DNAH12: variants seen among roughly 807,000 people sequenced by gnomAD.
The protein encoded by DNAH12 is axonemal beta dynein heavy chain 12.
A neutral mutation model predicts 371.5 loss-of-function variants in DNAH12; 285 were observed. The ratio of observed to expected loss-of-function variants is 0.77; its 90% CI spans 0.70 to 0.85. The LOEUF is 0.85. Ranked by LOEUF, DNAH12 falls within the 40% of genes least tolerant of loss-of-function variation. The pLI, the probability that DNAH12 is intolerant of heterozygous loss-of-function variation, is 0.00. For missense variants in DNAH12, 3,611 were observed against 3,689.4 expected, an observed-to-expected ratio of 0.98 and a Z score of 0.55; for synonymous variants, 1,200 against 1,213.0, an observed-to-expected ratio of 0.99 and a Z score of 0.22.
At chr3:57,351,393 T>G (rs1307710573) in intron 60 of DNAH12, among the ~76,000 whole-genome samples, 2 of 152,150 alleles carry the variant, frequency 1.3e-5, no homozygotes, top group African/African-American at 4.8e-5. Context: ...TGGAAAACAA[T>G]TTGTAATTTT....
chr3:57,427,099 C>T (rs1048752122), intron 34 of DNAH12, among the ~76,000 whole-genome samples: 2 of 133,902 alleles, frequency 1.5e-5, no homozygotes, highest in African/African-American at 6.2e-5. Context: ...TCTCTTTCCC[C>T]TCTGTATATC....
intron 62 of DNAH12, among the ~76,000 whole-genome samples, chr3:57,329,998 C>G (rs1221561584): frequency 2.6e-5 from 4 of 151,630 alleles, no homozygotes; most frequent in African/African-American, 9.7e-5. Flanking sequence ...AAATGCAAAT[C>G]AAAACCACAA....
Position 57,403,420 on chromosome 3 carries a change from T to A in DNAH12, c.6837A>T (p.Gly2279=), listed in dbSNP as rs1553679784. The change falls in exon 43 of 74, where the codon GGA becomes GGT. Residue 2279 remains glycine, a synonymous_variant. Coordinates refer to ENST00000495027, the MANE Select transcript of DNAH12 (RefSeq NM_001366028.2). Reference sequence around the variant, plus strand: ...GACGAGTTAAAGATTGACGACCACTTCCTCCAAGACCAACAAGCAAAGCAT... The same window carrying A: ...GACGAGTTAAAGATTGACGACCACTACCTCCAAGACCAACAAGCAAAGCAT... The part of the protein sequence containing the change: ...GGNALLVGLG[G]SGRQSLTRLA... 6.4e-7 allele frequency: 1 copy of A among 1,551,508 alleles called. No homozygotes were observed. The highest frequency in any genetic ancestry group is 1.2e-5 in the South Asian group (1 of 84,026).
At chr3:57,461,716 G>A (rs967610101) in intron 18 of DNAH12, 27 bp from the exon 19 acceptor site, 14 of 1,527,514 alleles carry the variant, frequency 9.2e-6, no homozygotes, top group East Asian at 4.9e-5. Context: ...AAGAAAGAAC[G>A]GGATGGTGAA....
At chr3:57,474,953 C>T (rs956076199) in intron 13 of DNAH12, among the ~76,000 whole-genome samples, 7 of 140,686 alleles carry the variant, frequency 5.0e-5, no homozygotes, top group African/African-American at 1.9e-4. Flanking sequence ...TCCAGCCTAG[C>T]GACAGAGCGA....
intron 11 of DNAH12, among the ~76,000 whole-genome samples, chr3:57,496,665 T>C (rs2067333626): frequency 6.6e-6 from 1 of 152,090 alleles, no homozygotes; most frequent in South Asian, 2.1e-4. Context: ...AAATAAAAAT[T>C]GCTATTAAAA....
At chr3:57,468,342 G>A (rs1181368052) in intron 17 of DNAH12, among the ~76,000 whole-genome samples, 1 of 152,048 alleles carries the variant, frequency 6.6e-6, no homozygotes, top group African/African-American at 2.4e-5. Flanking sequence ...GTAATAATAG[G>A]CCAGGTGTGG....
intron 60 of DNAH12, among the ~76,000 whole-genome samples, chr3:57,350,097 G>A (rs2062635200): frequency 6.6e-6 from 1 of 152,144 alleles, no homozygotes; most frequent in Non-Finnish European, 1.5e-5. Flanking sequence ...AGGTCATAAA[G>A]GCATAAGAAT....
intron 32 of DNAH12, among the ~76,000 whole-genome samples, chr3:57,432,569 T>C (rs1327453018): frequency 1.3e-5 from 2 of 152,114 alleles, no homozygotes; most frequent in African/African-American, 4.8e-5. Flanking sequence ...CTGTGATATA[T>C]TCACACACTA....
At chr3:57,354,297 T>A (rs1266294710) in intron 59 of DNAH12, among the ~76,000 whole-genome samples, 3 of 151,866 alleles carry the variant, frequency 2.0e-5, no homozygotes, top group African/African-American at 7.3e-5. Context: ...CAACACTGAG[T>A]ACACATGGAC....
At chr3:57,325,237 G>A (rs1487205636) in intron 62 of DNAH12, among the ~76,000 whole-genome samples, 1 of 152,230 alleles carries the variant, frequency 6.6e-6, no homozygotes, top group Non-Finnish European at 1.5e-5. Context: ...CCAGCACGCA[G>A]CTGGAGATCT....
chr3:57,328,006 A>G (rs1331754127), intron 62 of DNAH12, among the ~76,000 whole-genome samples: 3 of 151,728 alleles, frequency 2.0e-5, no homozygotes, highest in Non-Finnish European at 2.9e-5. Flanking sequence ...CCAAGACTAA[A>G]CCAGGAAGAA....
chr3:57,420,042 T>C (rs369222685), intron 36 of DNAH12, among the ~76,000 whole-genome samples: 138 of 151,950 alleles, frequency 9.1e-4, no homozygotes, highest in Non-Finnish European at 1.4e-3. Context: ...TTCTCTAACA[T>C]TATTCTCTTT....
chr3:57,293,953 A>G lies in DNAH12; in HGVS notation c.11711T>C (p.Ile3904Thr). The G allele has an allele frequency of 7.1e-7, 1 of 1,410,046 alleles. No individual in the cohort carries two copies. Among genetic ancestry groups the G allele is most frequent in the Non-Finnish European group, 9.3e-7 (1 of 1,072,518 alleles). 87.3% of individuals were successfully genotyped at this position (1,410,046 alleles called of 1,614,324 possible). A position where few individuals can be genotyped will look rare whatever the true frequency, so the allele number is the denominator to read the frequency against. ...WIKPTQKSRI[I>T]KSDAYVCPLY... ...GGGACAGACATAGGCATCCGACTTT[A>G]TAATCCGAGATTTTTGAGCTTGAAA... The change falls in exon 74 of 74, where the codon ATA becomes ACA. Residue 3904 changes from isoleucine to threonine, a missense_variant. Physicochemically the swap from Ile to Thr is moderately conservative, Grantham distance 89. This residue lies in a region of DNAH12 where 2,266 missense variants were observed against 2,236.9 expected (regional missense o/e 1.01). Transcript: ENST00000495027.
intron 30 of DNAH12, among the ~76,000 whole-genome samples, chr3:57,436,113 CAGGTAGCAAAA>C (rs1219360637): frequency 2.0e-5 from 3 of 151,888 alleles, no homozygotes; most frequent in Non-Finnish European, 4.4e-5. Flanking sequence ...AAGCCCCTCT[CAGGTAGCAAAA>C]ACCAAGCAGA....
chr3:57,543,008 G>T, intron 1 of DNAH12, 105 bp from the exon 2 acceptor site: 1 of 818,944 alleles, frequency 1.2e-6, no homozygotes, highest in Non-Finnish European at 1.7e-6. Context: ...AGACACTTTT[G>T]GATCTTCCTC....
Position 57,500,663 on chromosome 3 carries a change from C to T in DNAH12, c.1335+658G>A, listed in dbSNP as rs980145547. On this transcript the variant is annotated intron_variant, in intron 11 of 73. Coordinates refer to ENST00000495027, the MANE Select transcript of DNAH12 (RefSeq NM_001366028.2). ...CTCTTCACCAATTTCCCAAAGCAAA[C>T]AACACTTTGTCCATATCTCTATTCT... Among the ~76,000 whole-genome samples, 3 of 152,292 alleles carry T rather than the reference C, an allele frequency of 2.0e-5. No individual in the cohort carries two copies. In the East Asian group the frequency reaches 5.8e-4, roughly 29 times the overall value.
chr3:57,529,867 T>C (rs188644242), intron 2 of DNAH12, among the ~76,000 whole-genome samples: 44 of 152,234 alleles, frequency 2.9e-4, no homozygotes, highest in African/African-American at 9.6e-4. Flanking sequence ...ATGTAGACAC[T>C]TATAGCTATA....
intron 59 of DNAH12, among the ~76,000 whole-genome samples, chr3:57,355,520 C>G (rs2062778229): frequency 6.7e-6 from 1 of 148,798 alleles, no homozygotes; most frequent in Non-Finnish European, 1.5e-5. Flanking sequence ...TTTGTGTGAA[C>G]ATATGCAATC....
Sources: allele counts gnomAD v4.1 joint callset (sites outside exome capture counted in the v4.1 genomes callset), GRCh38; gene constraint gnomAD v4.1.1; regional missense constraint gnomAD v4.1.1; transcripts MANE v1.5; gene names NCBI Gene and HGNC (gene_info 2026-07-23, HGNC 2026-07-21).